PLXDC2: variants seen among roughly 807,000 people sequenced by gnomAD.
The protein encoded by PLXDC2 is plexin domain containing 2.
A neutral mutation model predicts 68.9 loss-of-function variants in PLXDC2; 40 were observed. That is an observed-to-expected ratio of 0.58 (90% CI 0.45 to 0.76). The LOEUF (loss-of-function observed/expected upper bound fraction) is 0.76, where lower values mean the gene tolerates loss of function less well. Among genes scored for constraint, PLXDC2 ranks in the 30% least tolerant of loss-of-function variants. The pLI, the probability that PLXDC2 is intolerant of heterozygous loss-of-function variation, is 0.00. For missense variants in PLXDC2, 644 were observed against 661.9 expected (o/e 0.97, Z 0.30); for synonymous variants, 243 against 234.2 (o/e 1.04, Z -0.34).
At chr10:20,101,572 G>GA (rs1248696786) in intron 4 of PLXDC2, among the ~76,000 whole-genome samples, 1 of 152,024 alleles carries the variant, frequency 6.6e-6, no homozygotes, top group Non-Finnish European at 1.5e-5. Flanking sequence ...ACTTATCATT[G>GA]AAAAATCCTT....
chr10:20,182,679 CT>C (rs1009769688), intron 9 of PLXDC2, among the ~76,000 whole-genome samples: 55 of 145,312 alleles, frequency 3.8e-4, no homozygotes, highest in Middle Eastern at 3.4e-3. Flanking sequence ...TTTTACATTT[CT>C]TTTTTTTTTT....
chr10:20,202,410 AAGTC>A (rs1231922516), intron 9 of PLXDC2, among the ~76,000 whole-genome samples: 1 of 152,156 alleles, frequency 6.6e-6, no homozygotes, highest in Non-Finnish European at 1.5e-5. Flanking sequence ...GTGAAACTGA[AAGTC>A]AGTGAGGAAT....
chr10:20,027,706 C>A (rs2884509), intron 2 of PLXDC2, among the ~76,000 whole-genome samples: 106,387 of 148,654 alleles, frequency 0.72, 38,774 homozygotes, highest in East Asian at 0.9. Context: ...AAAAAAAAAA[C>A]CCCATAAAAT....
At chr10:20,085,419 A>G (rs1713435967) in intron 4 of PLXDC2, among the ~76,000 whole-genome samples, 1 of 152,060 alleles carries the variant, frequency 6.6e-6, no homozygotes, top group African/African-American at 2.4e-5. Context: ...GGAGGTGCTG[A>G]GGGTCAGTAA....
intron 1 of PLXDC2, among the ~76,000 whole-genome samples, chr10:19,917,463 A>G (rs902903800): frequency 5.9e-5 from 9 of 152,184 alleles, no homozygotes; most frequent in Non-Finnish European, 1.2e-4. Flanking sequence ...TTCAAATTCT[A>G]TGACTTTCCT....
intron 6 of PLXDC2, among the ~76,000 whole-genome samples, chr10:20,159,303 C>T (rs1291885664): frequency 1.3e-5 from 2 of 152,192 alleles, no homozygotes; most frequent in Non-Finnish European, 2.9e-5. Context: ...TTTCATTGCT[C>T]TTGCTACTGA....
rs766633364 is a variant in PLXDC2 at position 20,147,816 on chromosome 10, C to T, written c.697C>T (p.His233Tyr). ...ACTTGTGGTCCAGTGGGACCATGTA[C>T]ATCTCCAGGATAATTATAACCTGGG... ...TALVVQWDHVHLQDNYNLGSF... is the reference protein window; with the variant it reads ...TALVVQWDHVYLQDNYNLGSF... Residue 233 changes from histidine to tyrosine, a missense_variant, in exon 6 of 14, where the codon CAT (histidine) becomes TAT (tyrosine). Coordinates refer to ENST00000377252, the MANE Select transcript of PLXDC2 (RefSeq NM_032812.9). 1 of 1,613,140 alleles carries T rather than the reference C, an allele frequency of 6.2e-7. No homozygotes were observed.
intron 1 of PLXDC2, among the ~76,000 whole-genome samples, chr10:19,933,303 A>G (rs964626481): frequency 1.3e-5 from 2 of 152,306 alleles, no homozygotes; most frequent in African/African-American, 2.4e-5. Flanking sequence ...TTTCAACTAC[A>G]GCTTTTTATT....
chr10:19,825,763 T>C (rs1471419254), intron 1 of PLXDC2, among the ~76,000 whole-genome samples: 1 of 152,242 alleles, frequency 6.6e-6, no homozygotes, highest in Non-Finnish European at 1.5e-5. Flanking sequence ...GTACTGCTCA[T>C]GCTGAATCTA....
At chr10:20,123,498 C>A (rs186680493) in intron 4 of PLXDC2, among the ~76,000 whole-genome samples, 2,563 of 151,882 alleles carry the variant, frequency 0.017, 37 homozygotes, top group Admixed American at 0.023. Flanking sequence ...GAACTACTGT[C>A]GAGTTTGTAT....
chr10:19,937,542 A>AT (rs1833744204), intron 1 of PLXDC2, among the ~76,000 whole-genome samples: 4 of 85,664 alleles, frequency 4.7e-5, no homozygotes, highest in African/African-American at 1.9e-4. Flanking sequence ...ATTATAGTCA[A>AT]TGTATATATA....
chr10:20,179,073 A>G (rs1834566650), intron 9 of PLXDC2, among the ~76,000 whole-genome samples: 2 of 152,140 alleles, frequency 1.3e-5, no homozygotes, highest in South Asian at 2.1e-4. Context: ...GCATTTTAAT[A>G]TGTATATTTA....
At chr10:20,205,163 C>T (rs1834974178) in intron 9 of PLXDC2, among the ~76,000 whole-genome samples, 1 of 152,094 alleles carries the variant, frequency 6.6e-6, no homozygotes, top group Non-Finnish European at 1.5e-5. Flanking sequence ...ATACATGCCA[C>T]AAGCTGGGAG....
intron 6 of PLXDC2, among the ~76,000 whole-genome samples, chr10:20,159,990 A>G (rs1834269480): frequency 1.3e-5 from 2 of 152,068 alleles, no homozygotes; most frequent in African/African-American, 4.8e-5. Flanking sequence ...CTAGTATGCT[A>G]TAGGTTTTAT....
At chr10:19,927,465 G>T (rs934078329) in intron 1 of PLXDC2, among the ~76,000 whole-genome samples, 1 of 152,030 alleles carries the variant, frequency 6.6e-6, no homozygotes, top group African/African-American at 2.4e-5. Context: ...ACTTTTGGAG[G>T]CCAAGTCAGG....
rs117870104 is a variant in PLXDC2, at chr10:20,252,823, A to G, written c.1473+7318A>G. Among the ~76,000 whole-genome samples the G allele has an allele frequency of 1.4e-4, 22 of 152,318 alleles. No homozygotes were observed. In the East Asian group the frequency reaches 3.3e-3, roughly 23 times the overall value. The stretch of plus-strand genomic sequence containing the variant: ...GATTTCACGTTGAATGATTAGTTTT[A>G]CAAAAGAGGCAGTCACCATAAAATA... On this transcript the variant is annotated intron_variant, in intron 13 of 13. Coordinates refer to ENST00000377252, the MANE Select transcript of PLXDC2 (RefSeq NM_032812.9).
intron 1 of PLXDC2, among the ~76,000 whole-genome samples, chr10:19,820,582 C>G (rs1836446343): frequency 6.8e-6 from 1 of 147,998 alleles, no homozygotes; most frequent in Non-Finnish European, 1.5e-5. Context: ...TGCAGTGAGC[C>G]GAGATTGCGC....
intron 4 of PLXDC2, among the ~76,000 whole-genome samples, chr10:20,129,542 C>T (rs1258203251): frequency 6.8e-6 from 1 of 147,752 alleles, no homozygotes; most frequent in East Asian, 2.0e-4. Flanking sequence ...TATATATACA[C>T]ATACACATAT....
At chr10:20,077,064 A>G (rs763629840) in intron 4 of PLXDC2, among the ~76,000 whole-genome samples, 1 of 152,114 alleles carries the variant, frequency 6.6e-6, no homozygotes, top group Non-Finnish European at 1.5e-5. Context: ...TATAGCAAGA[A>G]TTGTAGGGAC....
Sources: gnomAD v4.1 joint callset for allele counts (sites outside exome capture counted in the v4.1 genomes callset) on GRCh38, gnomAD v4.1.1 for gene constraint, MANE v1.5 for transcripts, NCBI Gene and HGNC (gene_info 2026-07-23, HGNC 2026-07-21) for gene names.